TRPM2: variants seen among roughly 807,000 people sequenced by gnomAD.
TRPM2 encodes estrogen-responsive element-associated gene 1 protein.
A neutral mutation model predicts 174.0 loss-of-function variants in TRPM2; 161 were observed. The observed-to-expected ratio is 0.93, with a 90% CI of 0.81 to 1.05. The LOEUF is 1.05. TRPM2 is among the 50% of genes least tolerant of loss of function. The pLI, the probability that TRPM2 is intolerant of heterozygous loss-of-function variation, is 0.00. For missense variants in TRPM2, 2,057 were observed against 2,038.0 expected, an observed-to-expected ratio of 1.01 and a Z score of -0.18; for synonymous variants, 954 against 861.3, an observed-to-expected ratio of 1.11 and a Z score of -1.88.
chr21:44,437,653 G>A (rs927373604), intron 29 of TRPM2, among the ~76,000 whole-genome samples: 1 of 152,206 alleles, frequency 6.6e-6, no homozygotes, highest in East Asian at 1.9e-4. Flanking sequence ...GTTGTGCACA[G>A]GCCCCTCAGC....
chr21:44,425,467 C>T lies in TRPM2; in HGVS notation c.3638-203C>T, dbSNP rs533355130. 330 of 516,096 alleles carry T rather than the reference C, an allele frequency of 6.4e-4. 4 individuals carry two copies. The South Asian group carries it at 7.8e-3, about 12-fold the overall frequency. The allele number at this position is 516,096 out of a possible 1,614,324, so 32.0% of individuals were successfully genotyped here. A position where few individuals can be genotyped will look rare whatever the true frequency, so the allele number is the denominator to read the frequency against. On this transcript the variant is annotated intron_variant, in intron 24 of 31. Transcript: ENST00000397928. ...ACAAAGAGGCAGGTGCCGGCGGGGA[C>T]GCTGCCTGAGCTCCCGTGGCTGTCC...
Position 44,366,702 on chromosome 21 carries a change from G to T in TRPM2, c.424-52G>T. 1.9e-6 allele frequency: 3 copies of T among 1,611,074 alleles called. No individual in the cohort carries two copies. Among genetic ancestry groups the T allele is most frequent in the Non-Finnish European group, 2.5e-6 (3 of 1,179,168 alleles). ...TGCATGGCCTGTGTGGGTCGGTGCT[G>T]TCCCTGACCACTGACACACAGGTTC... On this transcript the variant is annotated intron_variant, in intron 3 of 31. Coordinates refer to ENST00000397928, the MANE Select transcript of TRPM2 (RefSeq NM_003307.4). This position sits in a 1 kb window ranked among gnomAD's most constrained non-coding sequence, Gnocchi z 6.0.
chr21:44,399,163 C>A lies in TRPM2; in HGVS notation c.2063-133C>A. On this transcript the variant is annotated intron_variant, in intron 13 of 31. Coordinates refer to ENST00000397928, the MANE Select transcript of TRPM2 (RefSeq NM_003307.4). The surrounding 1 kb of genome is among the most constrained non-coding windows in gnomAD (Gnocchi z 4.6). ...CCCTGGGCCTGGGTGTTTTGAGACA[C>A]CAGCCCCACATTTGCCCTGTGCCCT... is the stretch of plus-strand genomic sequence containing the variant. 8.1e-7 allele frequency: 1 copy of A among 1,230,788 alleles called. No homozygotes were observed. Among genetic ancestry groups the A allele is most frequent in the Non-Finnish European group, 1.1e-6 (1 of 911,036 alleles). 76.2% of individuals were successfully genotyped at this position (1,230,788 alleles called of 1,614,324 possible). A position where few individuals can be genotyped will look rare whatever the true frequency, so the allele number is the denominator to read the frequency against.
chr21:44,363,180 G>A (rs928916446), intron 2 of TRPM2, among the ~76,000 whole-genome samples: 11 of 152,342 alleles, frequency 7.2e-5, no homozygotes, highest in South Asian at 2.1e-4. Flanking sequence ...AGATTGTAGC[G>A]TGTGTAGGTT....
intron 3 of TRPM2, among the ~76,000 whole-genome samples, chr21:44,364,696 G>T (rs1451712242): frequency 6.6e-6 from 1 of 152,122 alleles, no homozygotes; most frequent in Non-Finnish European, 1.5e-5. Flanking sequence ...AAAGCTGGGG[G>T]AAGGGGCCCA....
chr21:44,412,370 T>A (rs2050135992), intron 19 of TRPM2, among the ~76,000 whole-genome samples: 1 of 152,178 alleles, frequency 6.6e-6, no homozygotes, highest in South Asian at 2.1e-4. Flanking sequence ...ATCATCTAAT[T>A]TTTTTAGCAT....
chr21:44,390,934 A>G lies in TRPM2; in HGVS notation c.1349A>G (p.Glu450Gly), dbSNP rs144412484. The G allele has an allele frequency of 1.8e-4, 294 of 1,614,148 alleles. 1 individual carries two copies. The East Asian group carries it at 5.6e-3, about 31-fold the overall frequency. ...CGGAGCCAAGACCACTTTGGCCACG[A>G]GAACTGGGACCACCAGCTGAAACTG... ...ASRSQDHFGH[E>G]NWDHQLKLAV... The change falls in exon 10 of 32, where the codon GAG becomes GGG. Residue 450 changes from glutamate to glycine, a missense_variant. Physicochemically the swap from Glu to Gly is moderately conservative, Grantham distance 98 (BLOSUM62 -2). Coordinates refer to ENST00000397928, the MANE Select transcript of TRPM2 (RefSeq NM_003307.4).
intron 20 of TRPM2, chr21:44,416,014 G>T (rs973958528): frequency 2.6e-5 from 4 of 152,200 alleles, no homozygotes; most frequent in African/African-American, 9.7e-5. Flanking sequence ...GTGGGCCCCA[G>T]GGTTGGCTCT....
chr21:44,409,076 T>A (rs2146311732), intron 19 of TRPM2, among the ~76,000 whole-genome samples: 1 of 152,276 alleles, frequency 6.6e-6, no homozygotes, highest in South Asian at 2.1e-4. Context: ...TGATTTGAAT[T>A]TTTTTTGTCA....
Position 44,391,125 on chromosome 21 carries a change from C to T in TRPM2, c.1440+100C>T. ...AAAGTTCGCATTGTCTGGATCCCAG[C>T]CCTTCCCTTGAGGGTGGGTGACCTG... On this transcript the variant is annotated intron_variant, in intron 10 of 31. Coordinates refer to ENST00000397928, the MANE Select transcript of TRPM2 (RefSeq NM_003307.4). This position sits in a 1 kb window ranked among gnomAD's most constrained non-coding sequence, Gnocchi z 5.0. 6.3e-7 allele frequency: 1 copy of T among 1,578,296 alleles called. No individual in the cohort carries two copies. The highest frequency in any genetic ancestry group is 8.6e-7 in the Non-Finnish European group (1 of 1,157,776).
chr21:44,422,204 A>C, intron 22 of TRPM2: 2 of 1,504,184 alleles, frequency 1.3e-6, no homozygotes, highest in South Asian at 1.2e-5. Context: ...GAGGCGCATG[A>C]GTGTGGGGTG....
chr21:44,427,100 C>A lies in TRPM2; in HGVS notation c.3963C>A (p.Ala1321=). ...RSFHGPYTVQ[A]GLPLNPMGRT... Reference sequence around the variant, plus strand: ...TCCACGGGCCGTACACAGTGCAGGCCGGGTTGCCCCTGTGAGTGTGCCCCC... The same window carrying A: ...TCCACGGGCCGTACACAGTGCAGGCAGGGTTGCCCCTGTGAGTGTGCCCCC... Residue 1321 remains alanine, a synonymous_variant, in exon 27 of 32, where the codon GCC becomes GCA. Coordinates refer to ENST00000397928, the MANE Select transcript of TRPM2 (RefSeq NM_003307.4). 1 of 1,593,370 alleles carries A rather than the reference C, an allele frequency of 6.3e-7. No homozygotes were observed. The highest frequency in any genetic ancestry group is 2.3e-5 in the East Asian group (1 of 44,044).
Position 44,376,127 on chromosome 21 carries a change from A to T in TRPM2, c.952+114A>T, listed in dbSNP as rs548976992. The stretch of plus-strand genomic sequence containing the variant: ...TCAACAGGCCTGGCGTTTGGCAGAG[A>T]GTGCAGTGGGCTGGTCAGAGTGTCA... On this transcript the variant is annotated intron_variant, in intron 6 of 31. Transcript: ENST00000397928. The surrounding 1 kb of genome is among the most constrained non-coding windows in gnomAD (Gnocchi z 4.2). 2.3e-6 allele frequency: 3 copies of T among 1,290,050 alleles called. No homozygotes were observed. The highest frequency in any genetic ancestry group is 3.2e-6 in the Non-Finnish European group (3 of 935,918). The allele number at this position is 1,290,050 out of a possible 1,614,324, so 79.9% of individuals were successfully genotyped here.
intron 19 of TRPM2, 112 bp downstream of exon 19, chr21:44,406,877 G>A (rs2049903723): frequency 5.2e-6 from 7 of 1,357,934 alleles, no homozygotes; most frequent in Admixed American, 2.4e-5. Flanking sequence ...GGGTCCTGCG[G>A]TTCCCACCTG....
intron 5 of TRPM2, among the ~76,000 whole-genome samples, chr21:44,371,143 G>A (rs559108989): frequency 2.0e-5 from 3 of 152,302 alleles, no homozygotes; most frequent in South Asian, 4.1e-4. Context: ...TAGGGGAAGA[G>A]CATTCCTTGC....
chr21:44,401,096 C>T (rs144258186), intron 15 of TRPM2, among the ~76,000 whole-genome samples: 53 of 152,256 alleles, frequency 3.5e-4, no homozygotes, highest in Non-Finnish European at 6.3e-4. Flanking sequence ...CAGGGAGGAG[C>T]GGCTCAGGTG....
intron 16 of TRPM2, among the ~76,000 whole-genome samples, chr21:44,404,650 A>G (rs901474929): frequency 3.9e-5 from 6 of 152,170 alleles, no homozygotes; most frequent in Non-Finnish European, 7.4e-5. Flanking sequence ...GATGATAGTG[A>G]CGGTGATAGT....
intron 22 of TRPM2, among the ~76,000 whole-genome samples, chr21:44,419,554 G>A (rs1368049123): frequency 3.3e-5 from 1 of 29,938 alleles, no homozygotes; most frequent in East Asian, 9.5e-4. Flanking sequence ...TGGTGGCTGC[G>A]ATGGTGATGG....
chr21:44,382,156 T>C (rs1159484363), intron 8 of TRPM2, among the ~76,000 whole-genome samples: 1 of 151,970 alleles, frequency 6.6e-6, no homozygotes, highest in Non-Finnish European at 1.5e-5. Context: ...GATACATGGA[T>C]AGATGGATAG....
Sources: gnomAD v4.1 joint callset for allele counts (sites outside exome capture counted in the v4.1 genomes callset) on GRCh38, gnomAD v4.1.1 for gene constraint, Gnocchi (gnomAD v3.1) non-coding constraint, MANE v1.5 for transcripts, NCBI Gene and HGNC (gene_info 2026-07-23, HGNC 2026-07-21) for gene names.